Variants in PACS1 observed in about 807,000 individuals in gnomAD.
PACS1 encodes the protein phosphofurin acidic cluster sorting protein 1.
PACS1 carries 24 observed loss-of-function variants against 115.0 expected under a neutral mutation model. The observed-to-expected ratio is 0.21, with a 90% confidence interval of 0.15 to 0.29. The LOEUF (loss-of-function observed/expected upper bound fraction) is 0.29, where lower values mean the gene tolerates loss of function less well. Among genes scored for constraint, PACS1 ranks in the 10% least tolerant of loss-of-function variants. PACS1 has a pLI of 1.00. For synonymous variants in PACS1, 453 were observed against 504.5 expected, an observed-to-expected ratio of 0.90 and a Z score of 1.37; for missense variants, 838 against 1,251.2, an observed-to-expected ratio of 0.67 and a Z score of 4.98.
chr11:66,172,974 CAAAAA>C (rs10684950), intron 1 of PACS1, among the ~76,000 whole-genome samples: 2 of 88,350 alleles, frequency 2.3e-5, no homozygotes, highest in Non-Finnish European at 2.5e-5. Context: ...GACTCTGTCT[CAAAAA>C]AAAAAAAAAA....
At chr11:66,089,638 A>G (rs892170590) in intron 1 of PACS1, among the ~76,000 whole-genome samples, 1 of 152,316 alleles carries the variant, frequency 6.6e-6, no homozygotes, top group Non-Finnish European at 1.5e-5. Context: ...ATAACTATCT[A>G]GCTGACTACT....
chr11:66,123,551 T>G (rs1858496154), intron 1 of PACS1, among the ~76,000 whole-genome samples: 1 of 151,900 alleles, frequency 6.6e-6, no homozygotes, highest in Non-Finnish European at 1.5e-5. Context: ...GGACAGAGTT[T>G]CGCTCTGTCG....
chr11:66,117,086 G>A (rs1310035451), intron 1 of PACS1, among the ~76,000 whole-genome samples: 2 of 151,988 alleles, frequency 1.3e-5, no homozygotes, highest in Non-Finnish European at 2.9e-5. Flanking sequence ...TTTTAAAAAC[G>A]ATGTGTATTA....
chr11:66,189,332 A>G (rs1854463070), intron 1 of PACS1, among the ~76,000 whole-genome samples: 1 of 152,142 alleles, frequency 6.6e-6, no homozygotes, highest in African/African-American at 2.4e-5. Flanking sequence ...TGCTTTACCT[A>G]AGGTACTAAA....
Position 66,235,864 on chromosome 11 carries a change from A to G in PACS1, c.2208-34A>G. On this transcript the variant is annotated intron_variant, in intron 18 of 23. Transcript: ENST00000320580. This position sits in a 1 kb window ranked among gnomAD's most constrained non-coding sequence, Gnocchi z 5.6. The stretch of plus-strand genomic sequence containing the variant: ...CCCAGCACTCCTCCCTGTCTCTCCT[A>G]CTAACTATGAAGCTCTCCTGTGTCT... The G allele has an allele frequency of 1.9e-6, 3 of 1,588,840 alleles. No individual in the cohort carries two copies. Among genetic ancestry groups the G allele is most frequent in the Non-Finnish European group, 8.6e-7 (1 of 1,156,948 alleles).
At chr11:66,185,601 A>C (rs1234653966) in intron 1 of PACS1, among the ~76,000 whole-genome samples, 1 of 152,156 alleles carries the variant, frequency 6.6e-6, no homozygotes, top group Non-Finnish European at 1.5e-5. Context: ...GCCAGCTGCC[A>C]TATCCCCATG....
intron 1 of PACS1, among the ~76,000 whole-genome samples, chr11:66,169,566 A>ATTTTTTTTTTTTT (rs59176258): frequency 2.6e-5 from 3 of 115,282 alleles, no homozygotes; most frequent in Non-Finnish European, 3.3e-5. Flanking sequence ...CGCCCGGCTA[A>ATTTTTTTTTTTTT]TTTTTTTTTT....
chr11:66,121,120 G>A (rs1858430983), intron 1 of PACS1: 1 of 452,502 alleles, frequency 2.2e-6, no homozygotes, highest in South Asian at 1.6e-5. Context: ...TTGTATCTCT[G>A]TGTCACATTT....
intron 2 of PACS1, among the ~76,000 whole-genome samples, chr11:66,202,742 A>AAAAAATATATATATATAT (rs1200930188): frequency 1.4e-5 from 1 of 71,650 alleles, no homozygotes; most frequent in Admixed American, 1.8e-4. Context: ...AAAAAAAAAA[A>AAAAAATATATATATATAT]ATATATATAT....
At chr11:66,186,397 G>C (rs956505403) in intron 1 of PACS1, among the ~76,000 whole-genome samples, 2 of 152,054 alleles carry the variant, frequency 1.3e-5, no homozygotes, top group Non-Finnish European at 2.9e-5. Flanking sequence ...CCAGCTTAAG[G>C]CCTATGTACT....
chr11:66,134,702 G>A (rs1030460542), intron 1 of PACS1, among the ~76,000 whole-genome samples: 2 of 151,970 alleles, frequency 1.3e-5, no homozygotes, highest in African/African-American at 2.4e-5. Flanking sequence ...GCGCCAGGGC[G>A]TTGTTCTGAC....
At chr11:66,171,742 G>A (rs1590794850) in intron 1 of PACS1, among the ~76,000 whole-genome samples, 1 of 149,636 alleles carries the variant, frequency 6.7e-6, no homozygotes, top group Non-Finnish European at 1.5e-5. Flanking sequence ...ACCACGCCCC[G>A]CTAATTTTTT....
At chr11:66,210,965 A>T (rs1252706957) in intron 3 of PACS1, among the ~76,000 whole-genome samples, 169 bp from the exon 4 acceptor site, 2 of 152,222 alleles carry the variant, frequency 1.3e-5, no homozygotes, top group African/African-American at 4.8e-5. Flanking sequence ...GCCAGGCATC[A>T]AGCCGAATCA....
chr11:66,221,284 G>A lies in PACS1; in HGVS notation c.1293+37G>A, dbSNP rs372036819. On this transcript the variant is annotated intron_variant, in intron 10 of 23. Coordinates refer to ENST00000320580, the MANE Select transcript of PACS1 (RefSeq NM_018026.4). Reference sequence around the variant, plus strand: ...CGCGACTGCGGGGCGGGGTGGGACCGTGGCATGTCAGGGCTCGACGCTCTG... The same window carrying A: ...CGCGACTGCGGGGCGGGGTGGGACCATGGCATGTCAGGGCTCGACGCTCTG... The A allele has an allele frequency of 8.3e-4, 1,297 of 1,567,306 alleles. 3 individuals are homozygous for A. Among genetic ancestry groups the A allele is most frequent in the Middle Eastern group, 2.6e-3 (15 of 5,674 alleles).
intron 1 of PACS1, among the ~76,000 whole-genome samples, chr11:66,106,427 C>T (rs1022555325): frequency 6.6e-6 from 1 of 152,094 alleles, no homozygotes; most frequent in Non-Finnish European, 1.5e-5. Flanking sequence ...CAAAAATTAG[C>T]CGGGCGTGGT....
At chr11:66,101,013 TA>T (rs1370093168) in intron 1 of PACS1, 3 of 405,894 alleles carry the variant, frequency 7.4e-6, no homozygotes, top group Non-Finnish European at 1.5e-5. Context: ...AGGAAGTCAC[TA>T]AAGCCAGCCA....
chr11:66,149,217 G>A (rs1859185399), intron 1 of PACS1, among the ~76,000 whole-genome samples: 1 of 150,460 alleles, frequency 6.6e-6, no homozygotes, highest in Non-Finnish European at 1.5e-5. Context: ...TCAGCCTCCC[G>A]AGTAGCTGGG....
At chr11:66,133,115 T>C (rs2134580377) in intron 1 of PACS1, among the ~76,000 whole-genome samples, 1 of 152,332 alleles carries the variant, frequency 6.6e-6, no homozygotes, top group East Asian at 1.9e-4. Context: ...GTGCAATCTA[T>C]CAGCAAGTTC....
In PACS1 at chr11:66,233,250, G is replaced by A. The variant is rs76822947; in HGVS notation, c.1838+184G>A. ...GCTTGAGGCCCCGGCAGACCCCAGA[G>A]GATCGGGGGTGGAAATATCAATTCC... is the stretch of plus-strand genomic sequence containing the variant. On this transcript the variant is annotated intron_variant, in intron 15 of 23. Transcript: ENST00000320580. The surrounding 1 kb of genome is among the most constrained non-coding windows in gnomAD (Gnocchi z 4.5). 0.039 allele frequency among the ~76,000 whole-genome samples: 5,874 copies of A among 152,220 alleles called. 156 individuals carry two copies. Among genetic ancestry groups the A allele is most frequent in the Middle Eastern group, 0.11 (33 of 294 alleles).
Sources: allele counts gnomAD v4.1 joint callset (sites outside exome capture counted in the v4.1 genomes callset), GRCh38; gene constraint gnomAD v4.1.1; non-coding constraint Gnocchi (gnomAD v3.1); transcripts MANE v1.5; gene names NCBI Gene and HGNC (gene_info 2026-07-23, HGNC 2026-07-21).